Variants in CFH observed in about 807,000 individuals in gnomAD.
CFH encodes the protein complement factor H.
In CFH, 53 loss-of-function variants were observed where a neutral mutation model predicts 147.3. That is an observed-to-expected ratio of 0.36 (90% CI 0.29 to 0.45). The LOEUF (loss-of-function observed/expected upper bound fraction) is 0.45. Among genes scored for constraint, CFH ranks in the 20% least tolerant of loss-of-function variants. The pLI, the probability that CFH is intolerant of heterozygous loss-of-function variation, is 1.00. For missense variants in CFH, 1,380 were observed against 1,498.0 expected, an observed-to-expected ratio of 0.92 and a Z score of 1.30; for synonymous variants, 536 against 489.4, an observed-to-expected ratio of 1.10 and a Z score of -1.26.
intron 7 of CFH, among the ~76,000 whole-genome samples, chr1:196,688,441 A>G (rs1667901812): frequency 6.6e-6 from 1 of 152,112 alleles, no homozygotes; most frequent in Non-Finnish European, 1.5e-5. Context: ...AAATATTTCT[A>G]GTCTGTTTCT....
intron 1 of CFH, among the ~76,000 whole-genome samples, chr1:196,663,474 C>A (rs1415920646): frequency 6.6e-6 from 1 of 152,130 alleles, no homozygotes; most frequent in East Asian, 1.9e-4. Flanking sequence ...ATTAGTCAAA[C>A]TTTTCTCTTA....
Position 196,729,015 on chromosome 1 carries a change from A to G in CFH, c.2413+493A>G, listed in dbSNP as rs139401651. 5.1e-3 allele frequency among the ~76,000 whole-genome samples: 781 copies of G among 152,116 alleles called. 9 individuals are homozygous for G. The highest frequency in any genetic ancestry group is 0.018 in the African/African-American group (750 of 41,528). ...CTATTTATCTATTAATTTATTGTTC[A>G]TCTATCTTGAAAAGTTAGTCATATT... On this transcript the variant is annotated intron_variant, in intron 15 of 21. Coordinates refer to ENST00000367429, the MANE Select transcript of CFH (RefSeq NM_000186.4).
intron 1 of CFH, among the ~76,000 whole-genome samples, chr1:196,654,645 C>A (rs541589354): frequency 4.4e-4 from 67 of 152,184 alleles, no homozygotes; most frequent in African/African-American, 1.6e-3. Context: ...TGAAATTAGG[C>A]CACAGCCCAG....
At chr1:196,677,965 T>G in intron 5 of CFH, 1 of 378,348 alleles carries the variant, frequency 2.6e-6, no homozygotes, top group Non-Finnish European at 5.1e-6. Flanking sequence ...AGGATTTAAA[T>G]GTAGGTTATC....
chr1:196,687,033 A>C (rs1667852948), intron 7 of CFH, among the ~76,000 whole-genome samples: 1 of 152,116 alleles, frequency 6.6e-6, no homozygotes, highest in Admixed American at 6.6e-5. Flanking sequence ...AATCTGCATT[A>C]GGGCAGTTCA....
At chr1:196,723,709 G>C (rs1007794718) in intron 11 of CFH, among the ~76,000 whole-genome samples, 5 of 152,020 alleles carry the variant, frequency 3.3e-5, no homozygotes, top group Admixed American at 2.6e-4. Context: ...CTCACCCTTG[G>C]ATGCTCCAAG....
At position 196,713,718 on chromosome 1, in the gene CFH, A is replaced by G; in HGVS notation, c.1337-17A>G. On this transcript the variant is annotated splice_polypyrimidine_tract_variant and intron_variant, in intron 9 of 21. Coordinates refer to ENST00000367429, the MANE Select transcript of CFH (RefSeq NM_000186.4). The stretch of plus-strand genomic sequence containing the variant: ...TTGATCATATGCTTGTCTTTTTCTT[A>G]TTCTCTTCCCTTTTAGAAACATGTT... 6.7e-7 allele frequency: 1 copy of G among 1,499,280 alleles called. No individual in the cohort carries two copies. The highest frequency in any genetic ancestry group is 9.3e-7 in the Non-Finnish European group (1 of 1,080,662). 92.9% of individuals were successfully genotyped at this position (1,499,280 alleles called of 1,614,324 possible).
chr1:196,689,321 T>C, intron 7 of CFH, 99 bp from the exon 8 acceptor site: 2 of 1,137,878 alleles, frequency 1.8e-6, no homozygotes, highest in Non-Finnish European at 1.3e-6. Flanking sequence ...GTAATTATAC[T>C]AAGAAGAGAA....
At chr1:196,709,474 C>G (rs1668673904) in intron 9 of CFH, among the ~76,000 whole-genome samples, 1 of 152,000 alleles carries the variant, frequency 6.6e-6, no homozygotes, top group Non-Finnish European at 1.5e-5. Flanking sequence ...GGCCATTGCC[C>G]GATTCATACC....
intron 11 of CFH, 76 bp downstream of exon 11, chr1:196,715,845 T>C: frequency 1.6e-6 from 2 of 1,224,740 alleles, no homozygotes; most frequent in East Asian, 4.8e-5. Flanking sequence ...ATTTGAATTA[T>C]ATAGAGGAAT....
Position 196,698,693 on chromosome 1 carries a change from G to C in CFH, c.1336+8454G>C, listed in dbSNP as rs532355253. Among the ~76,000 whole-genome samples the C allele has an allele frequency of 4.1e-4, 62 of 152,208 alleles. 1 individual carries two copies. The South Asian group carries it at 0.012, about 29-fold the overall frequency. On this transcript the variant is annotated intron_variant, in intron 9 of 21. Coordinates refer to ENST00000367429, the MANE Select transcript of CFH (RefSeq NM_000186.4). ...CCTTTGGAAACTATTTCAAACAATA[G>C]AAAAAGAAGGTCTCCTCCTTAACTC...
intron 11 of CFH, among the ~76,000 whole-genome samples, chr1:196,720,027 A>G (rs1432355751): frequency 6.6e-6 from 1 of 151,824 alleles, no homozygotes; most frequent in Admixed American, 6.6e-5. Flanking sequence ...TAGTGCATAT[A>G]TCTTCACTAA....
chr1:196,673,557 C>T (rs1460267477), intron 2 of CFH: 5 of 390,732 alleles, frequency 1.3e-5, no homozygotes, highest in Non-Finnish European at 2.4e-5. Flanking sequence ...AGGCTGGTCT[C>T]GAACTCCTGG....
rs183157978 is a variant in CFH, at chr1:196,745,697, T to C, written c.3311-120T>C. On this transcript the variant is annotated intron_variant, in intron 20 of 21. Transcript: ENST00000367429. ...AAATTTCTTCCAGGACTCATTTCTT[T>C]CACCAGAAATCACAAAACTGTTGAT... 7,992 of 1,397,898 alleles carry C rather than the reference T, an allele frequency of 5.7e-3. 30 individuals are homozygous for C. The highest frequency in any genetic ancestry group is 7.1e-3 in the Non-Finnish European group (6,995 of 988,162). 86.6% of individuals were successfully genotyped at this position (1,397,898 alleles called of 1,614,324 possible). A position where few individuals can be genotyped will look rare whatever the true frequency, so the allele number is the denominator to read the frequency against.
chr1:196,679,435 T>C (rs943660657), intron 5 of CFH, 188 bp from the exon 6 acceptor site: 1 of 470,616 alleles, frequency 2.1e-6, no homozygotes, highest in Non-Finnish European at 3.8e-6. Context: ...ATCAGAAGCA[T>C]AATTTTAATC....
rs482934 is a variant in CFH, at chr1:196,689,367, G to T, written c.965-53G>T. 946,075 of 1,460,808 alleles carry T rather than the reference G, an allele frequency of 0.65. 311,594 individuals carry two copies. The highest frequency in any genetic ancestry group is 0.94 in the East Asian group (37,980 of 40,374). 90.5% of individuals were successfully genotyped at this position (1,460,808 alleles called of 1,614,324 possible). On this transcript the variant is annotated intron_variant, in intron 7 of 21. Coordinates refer to ENST00000367429, the MANE Select transcript of CFH (RefSeq NM_000186.4). ...TGATAAAAATTTATCTCTAATATGA[G>T]TGTTTATTACAGTAAAATTTCTTTA...
intron 9 of CFH, among the ~76,000 whole-genome samples, chr1:196,711,235 CT>C (rs1280245426): frequency 6.6e-6 from 1 of 151,926 alleles, no homozygotes; most frequent in Non-Finnish European, 1.5e-5. Context: ...ATTTTTTCTA[CT>C]TTTACTAATA....
At chr1:196,746,630 T>A (rs1391664305) in intron 21 of CFH, among the ~76,000 whole-genome samples, 5 of 152,226 alleles carry the variant, frequency 3.3e-5, no homozygotes, top group African/African-American at 1.2e-4. Flanking sequence ...TAGCATTGGG[T>A]GTAGGTGGGT....
chr1:196,744,592 T>C (rs535138158), intron 20 of CFH, among the ~76,000 whole-genome samples: 2 of 152,274 alleles, frequency 1.3e-5, no homozygotes, highest in South Asian at 4.1e-4. Context: ...AACTGGAATA[T>C]GGAAACCTTA....
Sources: allele counts gnomAD v4.1 joint callset (sites outside exome capture counted in the v4.1 genomes callset), GRCh38; gene constraint gnomAD v4.1.1; transcripts MANE v1.5; gene names NCBI Gene and HGNC (gene_info 2026-07-23, HGNC 2026-07-21).